The following MGAT4C variants were observed in gnomAD, a reference collection of about 807,000 sequenced individuals.
The protein encoded by MGAT4C is MGAT4 family member C.
MGAT4C carries 19 observed loss-of-function variants against 40.1 expected under a neutral mutation model. That is an observed-to-expected ratio of 0.47 (90% CI 0.33 to 0.70). MGAT4C has a LOEUF of 0.70. Ranked by LOEUF, MGAT4C falls within the 30% of genes least tolerant of loss-of-function variation. The pLI is 0.02. For synonymous variants in MGAT4C, 181 were observed against 187.1 expected (o/e 0.97, Z 0.27); for missense variants, 491 against 563.2 (o/e 0.87, Z 1.30).
At chr12:86,617,756 C>A (rs959947461) in intron 2 of MGAT4C, among the ~76,000 whole-genome samples, 3 of 151,150 alleles carry the variant, frequency 2.0e-5, no homozygotes, top group Admixed American at 2.0e-4. Flanking sequence ...AGGGGAAATG[C>A]TCCAGTACTT....
chr12:86,765,994 C>G (rs1017369049), intron 1 of MGAT4C, among the ~76,000 whole-genome samples: 2 of 152,138 alleles, frequency 1.3e-5, no homozygotes, highest in African/African-American at 4.8e-5. Flanking sequence ...ATCATAATGA[C>G]AGGATCAAAT....
At chr12:86,039,567 C>T (rs951881473) in intron 2 of MGAT4C, among the ~76,000 whole-genome samples, 5 of 152,024 alleles carry the variant, frequency 3.3e-5, no homozygotes, top group African/African-American at 1.2e-4. Context: ...TTTTTCAGCT[C>T]CATCAGGTCT....
At chr12:86,781,347 T>C (rs182511895) in intron 1 of MGAT4C, among the ~76,000 whole-genome samples, 5 of 152,180 alleles carry the variant, frequency 3.3e-5, no homozygotes, top group Admixed American at 3.3e-4. Flanking sequence ...GTAATAGCCA[T>C]TCTGACTCGT....
chr12:86,836,590 G>C (rs2136241559), intron 1 of MGAT4C, among the ~76,000 whole-genome samples: 1 of 152,214 alleles, frequency 6.6e-6, no homozygotes, highest in South Asian at 2.1e-4. Context: ...CAATGGCTGG[G>C]TAGGTGAATG....
At chr12:85,990,490 T>C (rs1442183395) in intron 2 of MGAT4C, among the ~76,000 whole-genome samples, 1 of 152,164 alleles carries the variant, frequency 6.6e-6, no homozygotes, top group East Asian at 1.9e-4. Flanking sequence ...TGATGAAGTA[T>C]TTATGTGTAA....
At position 86,032,707 on chromosome 12, in the gene MGAT4C, T is replaced by C. The variant is rs77706298; in HGVS notation, c.-7+16967A>G. Among the ~76,000 whole-genome samples, 1,184 of 149,896 alleles carry C rather than the reference T, an allele frequency of 7.9e-3. 97 individuals carry two copies. Among genetic ancestry groups the C allele is most frequent in the Non-Finnish European group, 0.012 (815 of 66,736 alleles). ...AGTATGCAAACATTTTCTACCATTT[T>C]TTGGTTGTTTGTTTAACTCTGTTGA... On this transcript the variant is annotated intron_variant, in intron 2 of 4. Coordinates refer to ENST00000611864, the MANE Select transcript of MGAT4C (RefSeq NM_001351288.2).
chr12:86,287,250 C>T (rs1164238396), intron 4 of MGAT4C, among the ~76,000 whole-genome samples: 1 of 152,100 alleles, frequency 6.6e-6, no homozygotes. Flanking sequence ...CCCAATCTCT[C>T]CAGAATCTGT....
chr12:86,360,504 A>G (rs1001828029), intron 3 of MGAT4C, among the ~76,000 whole-genome samples: 3 of 152,168 alleles, frequency 2.0e-5, no homozygotes, highest in Non-Finnish European at 4.4e-5. Flanking sequence ...GGCAGGAGAA[A>G]GAAATAAAGG....
intron 3 of MGAT4C, among the ~76,000 whole-genome samples, chr12:86,373,377 G>C (rs547120907): frequency 6.6e-6 from 1 of 151,938 alleles, no homozygotes. Flanking sequence ...CATTTATCAT[G>C]ATTGCACAGT....
chr12:86,812,122 A>G (rs1952489420), intron 1 of MGAT4C, among the ~76,000 whole-genome samples: 1 of 152,168 alleles, frequency 6.6e-6, no homozygotes, highest in Non-Finnish European at 1.5e-5. Context: ...TGGTCATTCT[A>G]TTATTGATTT....
chr12:86,181,675 G>C (rs573223595), intron 1 of MGAT4C, among the ~76,000 whole-genome samples: 97 of 152,122 alleles, frequency 6.4e-4, no homozygotes, highest in African/African-American at 2.2e-3. Flanking sequence ...GAATATCAGA[G>C]TCATCTAAAT....
chr12:86,265,812 C>G (rs141314956), intron 4 of MGAT4C, among the ~76,000 whole-genome samples: 1 of 152,226 alleles, frequency 6.6e-6, no homozygotes, highest in Non-Finnish European at 1.5e-5. Flanking sequence ...TTTGTGTCAT[C>G]TACAATTTCT....
chr12:86,150,671 A>T (rs1277908405), intron 1 of MGAT4C, among the ~76,000 whole-genome samples: 3 of 152,222 alleles, frequency 2.0e-5, no homozygotes, highest in Non-Finnish European at 4.4e-5. Flanking sequence ...GGTCTTCAAG[A>T]TAACTTCAAG....
intron 1 of MGAT4C, among the ~76,000 whole-genome samples, chr12:86,131,915 A>C (rs1226047998): frequency 2.0e-5 from 3 of 152,156 alleles, no homozygotes; most frequent in African/African-American, 7.2e-5. Context: ...ATTTAATTCA[A>C]TTGTAAGAAT....
rs180916852 is a variant in MGAT4C at position 86,550,654 on chromosome 12, G to A, written c.-228-115389C>T. 4.1e-3 allele frequency among the ~76,000 whole-genome samples: 619 copies of A among 152,236 alleles called. 4 individuals are homozygous for A. Among genetic ancestry groups the A allele is most frequent in the African/African-American group, 0.014 (598 of 41,532 alleles). Reference sequence around the variant, plus strand: ...CTGTGCTAAGCTTGGCCCAGTATCCGCTATGACTGTGGTCCTGCAGAGCAG... The same window carrying A: ...CTGTGCTAAGCTTGGCCCAGTATCCACTATGACTGTGGTCCTGCAGAGCAG... On this transcript the variant is annotated intron_variant, in intron 2 of 7. Transcript: ENST00000548651.
At chr12:86,337,360 T>G (rs1592712711) in intron 3 of MGAT4C, among the ~76,000 whole-genome samples, 1 of 151,628 alleles carries the variant, frequency 6.6e-6, no homozygotes, top group East Asian at 1.9e-4. Flanking sequence ...ACTTTGAGAG[T>G]CCGAGGAAGG....
intron 4 of MGAT4C, among the ~76,000 whole-genome samples, chr12:86,265,005 T>C (rs1952750609): frequency 6.6e-6 from 1 of 152,158 alleles, no homozygotes; most frequent in South Asian, 2.1e-4. Flanking sequence ...CGCTACTGCG[T>C]TCCCTGGTGC....
At chr12:86,296,441 C>G (rs1277268706) in intron 4 of MGAT4C, among the ~76,000 whole-genome samples, 5 of 151,964 alleles carry the variant, frequency 3.3e-5, no homozygotes, top group African/African-American at 1.2e-4. Context: ...GACTGGGCGC[C>G]GTGGAGCAGG....
At chr12:86,233,483 A>G (rs1026536847) in intron 1 of MGAT4C, among the ~76,000 whole-genome samples, 1 of 152,164 alleles carries the variant, frequency 6.6e-6, no homozygotes, top group Non-Finnish European at 1.5e-5. Context: ...GGTTTCAAGG[A>G]GTAGAAACTT....
Sources: allele counts gnomAD v4.1 joint callset (sites outside exome capture counted in the v4.1 genomes callset), GRCh38; gene constraint gnomAD v4.1.1; transcripts MANE v1.5; gene names NCBI Gene and HGNC (gene_info 2026-07-23, HGNC 2026-07-21).